The following FILIP1L variants were observed in gnomAD, a reference collection of about 807,000 sequenced individuals.
The protein encoded by FILIP1L is filamin A interacting protein 1 like.
Under a neutral mutation model 96.6 loss-of-function variants are expected in FILIP1L, and 55 were observed. That is an observed-to-expected ratio of 0.57 (90% CI 0.46 to 0.71). FILIP1L has a LOEUF of 0.71. FILIP1L is among the 30% of genes least tolerant of loss of function. FILIP1L has a pLI of 0.00. For synonymous variants in FILIP1L, 467 were observed against 473.9 expected (o/e 0.99, Z 0.19); for missense variants, 1,304 against 1,321.2 (o/e 0.99, Z 0.20).
chr3:100,097,828 G>C, intron 1 of FILIP1L, among the ~76,000 whole-genome samples: 1 of 152,156 alleles, frequency 6.6e-6, no homozygotes, highest in East Asian at 1.9e-4. Context: ...AAAATACTCA[G>C]CTGGATACTT....
chr3:99,879,821 G>A (rs1246368520), intron 4 of FILIP1L, among the ~76,000 whole-genome samples: 2 of 152,172 alleles, frequency 1.3e-5, no homozygotes, highest in Admixed American at 1.3e-4. Context: ...TATAAGACCT[G>A]GTCTTATGGA....
chr3:100,048,195 A>G (rs1354601084), intron 1 of FILIP1L, among the ~76,000 whole-genome samples: 3 of 152,230 alleles, frequency 2.0e-5, no homozygotes, highest in Admixed American at 1.3e-4. Flanking sequence ...AGGGAAGGGG[A>G]CAGATAGGTC....
intron 1 of FILIP1L, among the ~76,000 whole-genome samples, chr3:100,003,023 C>T (rs1340697787): frequency 6.6e-6 from 1 of 152,138 alleles, no homozygotes; most frequent in Non-Finnish European, 1.5e-5. Context: ...GATTGTGCAG[C>T]ATTTACCTGC....
chr3:99,862,101 A>G (rs1486437336), intron 4 of FILIP1L, among the ~76,000 whole-genome samples: 1 of 152,234 alleles, frequency 6.6e-6, no homozygotes, highest in South Asian at 2.1e-4. Flanking sequence ...CAAAAAAATG[A>G]TAAGTATGTA....
At chr3:99,996,016 A>AT (rs1709668620) in intron 1 of FILIP1L, among the ~76,000 whole-genome samples, 1 of 152,138 alleles carries the variant, frequency 6.6e-6, no homozygotes, top group Non-Finnish European at 1.5e-5. Context: ...ACTTATGTAA[A>AT]TTTCTGCAGC....
chr3:99,859,644 G>A (rs1944141542), intron 4 of FILIP1L, among the ~76,000 whole-genome samples: 1 of 152,060 alleles, frequency 6.6e-6, no homozygotes, highest in Non-Finnish European at 1.5e-5. Flanking sequence ...AGCAATTCTT[G>A]TCTAATACAT....
intron 1 of FILIP1L, among the ~76,000 whole-genome samples, chr3:99,972,589 A>T (rs1559709363): frequency 1.3e-5 from 2 of 152,298 alleles, no homozygotes; most frequent in East Asian, 3.9e-4. Context: ...CAGAGTAAAT[A>T]ACGGTTCATG....
intron 1 of FILIP1L, among the ~76,000 whole-genome samples, chr3:99,986,489 A>G (rs1709345600): frequency 6.6e-6 from 1 of 152,208 alleles, no homozygotes; most frequent in Non-Finnish European, 1.5e-5. Flanking sequence ...CTGAAAGTTG[A>G]TAGTGAAAGA....
chr3:100,014,895 C>CTTTTTTTTT (rs1233573719), intron 1 of FILIP1L, among the ~76,000 whole-genome samples: 30 of 24,998 alleles, frequency 1.2e-3, no homozygotes, highest in Non-Finnish European at 1.4e-3. Flanking sequence ...TTCTTTCTTT[C>CTTTTTTTTT]TTTTTTTTTT....
chr3:99,866,435 G>A (rs1279824473), intron 4 of FILIP1L, among the ~76,000 whole-genome samples: 1 of 152,118 alleles, frequency 6.6e-6, no homozygotes, highest in East Asian at 1.9e-4. Flanking sequence ...AGATGCCTAT[G>A]TTTTACTGTG....
intron 1 of FILIP1L, among the ~76,000 whole-genome samples, chr3:99,940,777 C>T (rs765150984): frequency 6.6e-6 from 1 of 152,246 alleles, no homozygotes; most frequent in Non-Finnish European, 1.5e-5. Flanking sequence ...CTTTTGGCCT[C>T]CTCTTGCCTA....
At chr3:99,902,467 T>G (rs1706467664) in intron 4 of FILIP1L, among the ~76,000 whole-genome samples, 1 of 152,212 alleles carries the variant, frequency 6.6e-6, no homozygotes, top group South Asian at 2.1e-4. Flanking sequence ...ACCTTCTGAT[T>G]CTATGGCATG....
rs181239391 is a variant in FILIP1L at position 100,068,137 on chromosome 3, A to G, written c.-11+45916T>C. On this transcript the variant is annotated intron_variant, in intron 1 of 5. Coordinates refer to ENST00000477258, the MANE Select transcript of FILIP1L (RefSeq NM_001387850.1). ...TGTAAAACTCCAAGGCAATCAGAGA[A>G]ATGCACATTTAATCAAAGAAATACC... Among the ~76,000 whole-genome samples, 8 of 152,380 alleles carry G rather than the reference A, an allele frequency of 5.3e-5. No homozygotes were observed. The East Asian group carries it at 1.3e-3, about 26-fold the overall frequency.
chr3:100,111,361 G>T (rs145726986), intron 1 of FILIP1L, among the ~76,000 whole-genome samples: 9 of 152,286 alleles, frequency 5.9e-5, no homozygotes, highest in Non-Finnish European at 1.2e-4. Flanking sequence ...ACTCCATGAG[G>T]CTGTGCGTTA....
At chr3:99,863,400 G>A (rs1576525387) in intron 4 of FILIP1L, among the ~76,000 whole-genome samples, 1 of 152,230 alleles carries the variant, frequency 6.6e-6, no homozygotes, top group Non-Finnish European at 1.5e-5. Flanking sequence ...TCCTGTACGT[G>A]GGGACTCAAA....
At position 99,850,654 on chromosome 3, in the gene FILIP1L, T is replaced by A; in HGVS notation, c.1022A>T (p.Asn341Ile). The change falls in exon 5 of 6, where the codon AAC becomes ATC. Residue 341 changes from asparagine (N) to isoleucine (I), a missense_variant. Asn to Ile is a moderately radical substitution (Grantham distance 149, BLOSUM62 -3). Coordinates refer to ENST00000477258, the MANE Select transcript of FILIP1L (RefSeq NM_001387850.1). ...CTCTTCTGCTTTTCGTAAAGACCTG[T>A]TTGTCTCTTCTAACTCATCAATCTG... ...SRQIDELEET[N>I]RSLRKAEEEL... 1 of 1,614,148 alleles carries A rather than the reference T, an allele frequency of 6.2e-7. No homozygotes were observed. Among genetic ancestry groups the A allele is most frequent in the Non-Finnish European group, 8.5e-7 (1 of 1,180,028 alleles).
intron 4 of FILIP1L, among the ~76,000 whole-genome samples, chr3:99,900,321 C>G (rs1706394657): frequency 6.6e-6 from 1 of 152,148 alleles, no homozygotes; most frequent in Non-Finnish European, 1.5e-5. Flanking sequence ...ACAACTAACA[C>G]ATACCTGGTG....
chr3:99,853,949 T>G (rs1163016573), intron 4 of FILIP1L, among the ~76,000 whole-genome samples: 1 of 152,204 alleles, frequency 6.6e-6, no homozygotes, highest in African/African-American at 2.4e-5. Context: ...ATGGAATCTT[T>G]TCAGAGCCAG....
At chr3:99,873,969 T>A (rs1191784338) in intron 4 of FILIP1L, among the ~76,000 whole-genome samples, 2 of 152,218 alleles carry the variant, frequency 1.3e-5, no homozygotes, top group African/African-American at 4.8e-5. Flanking sequence ...TTTCCCATCA[T>A]ACAGATTGTC....
Sources: gnomAD v4.1 joint callset for allele counts (sites outside exome capture counted in the v4.1 genomes callset) on GRCh38, gnomAD v4.1.1 for gene constraint, MANE v1.5 for transcripts, NCBI Gene and HGNC (gene_info 2026-07-23, HGNC 2026-07-21) for gene names.